NELL2: variants seen among roughly 807,000 people sequenced by gnomAD.
NELL2 encodes the protein protein kinase C-binding protein NELL2.
A neutral mutation model predicts 109.6 loss-of-function variants in NELL2; 41 were observed. That is an observed-to-expected ratio of 0.37 (90% confidence interval 0.29 to 0.49). The LOEUF (loss-of-function observed/expected upper bound fraction) is 0.49, where lower values mean the gene tolerates loss of function less well. NELL2 is among the 20% of genes least tolerant of loss of function. The probability of loss-of-function intolerance (pLI) is 0.98; values close to 1 mark genes in which losing one functional copy is unlikely to be tolerated. For synonymous variants in NELL2, 355 were observed against 344.7 expected (o/e 1.03, Z -0.33); for missense variants, 900 against 1,008.3 (o/e 0.89, Z 1.45).
chr12:44,642,407 T>C (rs1294929324), intron 13 of NELL2, among the ~76,000 whole-genome samples: 1 of 152,254 alleles, frequency 6.6e-6, no homozygotes, highest in South Asian at 2.1e-4. Flanking sequence ...CATAAAAATA[T>C]ATAAGATGGT....
At chr12:44,702,565 T>C (rs975921926) in intron 12 of NELL2, among the ~76,000 whole-genome samples, 12 of 152,314 alleles carry the variant, frequency 7.9e-5, no homozygotes, top group East Asian at 7.7e-4. Context: ...TCAAATATTA[T>C]AATCAAAATA....
intron 15 of NELL2, among the ~76,000 whole-genome samples, chr12:44,595,593 A>ATTTTTTTTTTTTTTTTTTTT (rs57566164): frequency 8.2e-6 from 1 of 121,328 alleles, no homozygotes; most frequent in Non-Finnish European, 1.7e-5. Context: ...CACCCAGCTA[A>ATTTTTTTTTTTTTTTTTTTT]TTTTTTTTTT....
chr12:44,649,251 G>C (rs1379791663), intron 13 of NELL2, among the ~76,000 whole-genome samples: 1 of 145,414 alleles, frequency 6.9e-6, no homozygotes, highest in African/African-American at 2.6e-5. Flanking sequence ...CTGCCTGCCT[G>C]CCTGCCTTGG....
chr12:44,548,523 T>G (rs1353717714), intron 15 of NELL2, among the ~76,000 whole-genome samples: 4 of 145,336 alleles, frequency 2.8e-5, no homozygotes, highest in African/African-American at 1.0e-4. Context: ...CCAGCCCGGG[T>G]GACAGTGTGA....
intron 12 of NELL2, among the ~76,000 whole-genome samples, 174 bp from the exon 13 acceptor site, chr12:44,665,783 G>C (rs1401134708): frequency 6.6e-6 from 1 of 152,136 alleles, no homozygotes; most frequent in Non-Finnish European, 1.5e-5. Context: ...AAAATCATGA[G>C]TTTTTTTCCA....
At chr12:44,854,767 G>T (rs1944634656) in intron 2 of NELL2, among the ~76,000 whole-genome samples, 3 of 151,760 alleles carry the variant, frequency 2.0e-5, no homozygotes, top group Admixed American at 2.0e-4. Flanking sequence ...TGGATGACTG[G>T]ATAGATGGAC....
intron 3 of NELL2, among the ~76,000 whole-genome samples, chr12:44,797,110 G>A (rs895853803): frequency 4.6e-5 from 7 of 152,092 alleles, no homozygotes; most frequent in Non-Finnish European, 1.0e-4. Context: ...GATAATAAGT[G>A]CGGTAGGGGT....
chr12:44,875,677 CA>C (rs1945298172), intron 1 of NELL2, 137 bp downstream of exon 1: 1 of 1,590,186 alleles, frequency 6.3e-7, no homozygotes, highest in East Asian at 2.2e-5. Flanking sequence ...AATCCATATC[CA>C]AACCCGCCCC....
At chr12:44,605,504 A>C (rs1007729558) in intron 15 of NELL2, among the ~76,000 whole-genome samples, 2 of 152,174 alleles carry the variant, frequency 1.3e-5, no homozygotes, top group Admixed American at 1.3e-4. Context: ...AGTATAATGA[A>C]ATAGAGATAG....
intron 9 of NELL2, among the ~76,000 whole-genome samples, chr12:44,742,702 G>A (rs959135949): frequency 2.0e-5 from 3 of 152,192 alleles, no homozygotes; most frequent in Non-Finnish European, 4.4e-5. Context: ...AAGGGTATCA[G>A]TGATGGAAGA....
intron 9 of NELL2, among the ~76,000 whole-genome samples, chr12:44,746,062 A>T (rs2136513592): frequency 1.3e-5 from 2 of 152,336 alleles, no homozygotes; most frequent in Middle Eastern, 6.8e-3. Flanking sequence ...ACAAGGCTAC[A>T]GTAACCAAAA....
At chr12:44,729,212 C>T (rs1259195479) in intron 9 of NELL2, among the ~76,000 whole-genome samples, 1 of 151,896 alleles carries the variant, frequency 6.6e-6, no homozygotes, top group African/African-American at 2.4e-5. Flanking sequence ...TAATTTGTGA[C>T]ATCAATGATA....
At chr12:44,693,319 C>T (rs1948957421) in intron 12 of NELL2, among the ~76,000 whole-genome samples, 1 of 152,178 alleles carries the variant, frequency 6.6e-6, no homozygotes, top group African/African-American at 2.4e-5. Flanking sequence ...AATGACATTG[C>T]ACACTTAGAC....
At chr12:44,660,977 C>T (rs756429115) in intron 13 of NELL2, among the ~76,000 whole-genome samples, 1 of 152,078 alleles carries the variant, frequency 6.6e-6, no homozygotes, top group Non-Finnish European at 1.5e-5. Context: ...TAGGGAAAGG[C>T]CATTTCCTGA....
intron 12 of NELL2, among the ~76,000 whole-genome samples, chr12:44,682,984 C>T (rs1948578675): frequency 6.6e-6 from 1 of 152,166 alleles, no homozygotes; most frequent in South Asian, 2.1e-4. Flanking sequence ...ATGGGGATGA[C>T]ATTGAATCTA....
chr12:44,661,305 C>T (rs1947735362), intron 13 of NELL2, among the ~76,000 whole-genome samples: 1 of 152,210 alleles, frequency 6.6e-6, no homozygotes, highest in African/African-American at 2.4e-5. Flanking sequence ...CAGCACTTGT[C>T]CTTTGGGTCA....
At chr12:44,798,533 G>A (rs1458999190) in intron 3 of NELL2, among the ~76,000 whole-genome samples, 1 of 151,958 alleles carries the variant, frequency 6.6e-6, no homozygotes, top group Non-Finnish European at 1.5e-5. Context: ...AATACTGAAA[G>A]AAATTAATGT....
At chr12:44,696,651 T>C (rs7301727) in intron 12 of NELL2, among the ~76,000 whole-genome samples, 9,447 of 152,238 alleles carry the variant, frequency 0.062, 971 homozygotes, top group African/African-American at 0.21. Context: ...AAAGTCAGTA[T>C]CATGATTAGA....
At chr12:44,540,137 C>G (rs190727655) in intron 15 of NELL2, among the ~76,000 whole-genome samples, 1 of 152,040 alleles carries the variant, frequency 6.6e-6, no homozygotes, top group East Asian at 1.9e-4. Flanking sequence ...TATTTTTAAA[C>G]AAAAAGAATA....
Sources: allele counts gnomAD v4.1 joint callset (sites outside exome capture counted in the v4.1 genomes callset), GRCh38; gene constraint gnomAD v4.1.1; transcripts MANE v1.5; gene names NCBI Gene and HGNC (gene_info 2026-07-23, HGNC 2026-07-21).